Variants in EBF2 observed in about 807,000 individuals in gnomAD.
EBF2 encodes the protein transcription factor COE2.
EBF2 carries 21 observed loss-of-function variants against 72.8 expected under a neutral mutation model. That is an observed-to-expected ratio of 0.29 (90% confidence interval 0.20 to 0.42). The LOEUF (loss-of-function observed/expected upper bound fraction) is 0.42, where lower values mean the gene tolerates loss of function less well. Among genes scored for constraint, EBF2 ranks in the 10% least tolerant of loss-of-function variants. EBF2 has a pLI of 1.00. For missense variants in EBF2, 637 were observed against 731.2 expected (o/e 0.87, Z 1.49); for synonymous variants, 299 against 274.2 (o/e 1.09, Z -0.89).
At chr8:25,941,166 G>A (rs552183468) in intron 6 of EBF2, among the ~76,000 whole-genome samples, 1 of 151,766 alleles carries the variant, frequency 6.6e-6, no homozygotes, top group African/African-American at 2.4e-5. Context: ...CAGTCCCTGG[G>A]GCCTCCCCAC....
At chr8:25,889,729 A>C (rs1206513268) in intron 8 of EBF2, 23 bp downstream of exon 8, 5 of 1,571,898 alleles carry the variant, frequency 3.2e-6, no homozygotes, top group Non-Finnish European at 4.4e-6. Flanking sequence ...TGTGTCTGCT[A>C]TGCTGAGCGC....
intron 6 of EBF2, among the ~76,000 whole-genome samples, chr8:26,022,655 C>T (rs1360409912): frequency 6.6e-6 from 1 of 152,168 alleles, no homozygotes; most frequent in East Asian, 1.9e-4. Context: ...CTCTCAAAAG[C>T]TCTTGTTAAA....
chr8:25,963,550 C>T (rs1804070309), intron 6 of EBF2, among the ~76,000 whole-genome samples: 2 of 152,146 alleles, frequency 1.3e-5, no homozygotes, highest in Non-Finnish European at 2.9e-5. Flanking sequence ...GGAATGAAAA[C>T]ATTCAAAAAT....
chr8:25,957,404 G>T (rs992378691), intron 6 of EBF2, among the ~76,000 whole-genome samples: 1 of 152,190 alleles, frequency 6.6e-6, no homozygotes, highest in African/African-American at 2.4e-5. Context: ...AAAGTGACTT[G>T]GGCCAGCATC....
chr8:26,011,753 A>G (rs1358519620), intron 6 of EBF2, among the ~76,000 whole-genome samples: 2 of 152,122 alleles, frequency 1.3e-5, no homozygotes, highest in African/African-American at 4.8e-5. Context: ...CCTCCCTGCT[A>G]TGATTCTCCA....
chr8:25,863,354 C>T (rs1325776445), intron 10 of EBF2, among the ~76,000 whole-genome samples: 2 of 152,024 alleles, frequency 1.3e-5, no homozygotes, highest in Non-Finnish European at 2.9e-5. Flanking sequence ...CCCCACCCCA[C>T]GAATACTACA....
intron 5 of EBF2, among the ~76,000 whole-genome samples, chr8:26,034,447 G>T (rs575790065): frequency 2.6e-5 from 4 of 152,294 alleles, no homozygotes; most frequent in Non-Finnish European, 4.4e-5. Context: ...AGATAAAGAA[G>T]ATCCCCTGGG....
chr8:26,020,059 G>T (rs896888366), intron 6 of EBF2, among the ~76,000 whole-genome samples: 1 of 152,130 alleles, frequency 6.6e-6, no homozygotes, highest in African/African-American at 2.4e-5. Context: ...GATGGAGAAA[G>T]ATAAGAAAGA....
intron 10 of EBF2, among the ~76,000 whole-genome samples, chr8:25,865,984 C>T (rs972677327): frequency 4.0e-5 from 6 of 151,388 alleles, no homozygotes; most frequent in African/African-American, 1.2e-4. Flanking sequence ...AAGATCACGC[C>T]GCTGCACCCC....
chr8:25,926,411 T>C (rs575649217), intron 6 of EBF2, among the ~76,000 whole-genome samples: 14 of 152,288 alleles, frequency 9.2e-5, no homozygotes, highest in Non-Finnish European at 1.2e-4. Flanking sequence ...TAAGAAATAA[T>C]AAACTATTGC....
At chr8:25,858,280 A>C in intron 14 of EBF2, 39 bp downstream of exon 14, 1 of 1,611,688 alleles carries the variant, frequency 6.2e-7, no homozygotes, top group Non-Finnish European at 8.5e-7. Context: ...CCCAGAGACA[A>C]AAAAGCATGG....
At chr8:26,019,939 A>G (rs1805179692) in intron 6 of EBF2, among the ~76,000 whole-genome samples, 1 of 152,166 alleles carries the variant, frequency 6.6e-6, no homozygotes. Flanking sequence ...CCTTCTCTGC[A>G]GAGAAGGAAT....
Position 25,861,299 on chromosome 8 carries a change from A to C in EBF2, c.1164+10T>G, listed in dbSNP as rs1265217616. The C allele has an allele frequency of 2.5e-6, 4 of 1,614,216 alleles. No individual in the cohort carries two copies. The highest frequency in any genetic ancestry group is 1.7e-5 in the Admixed American group (1 of 60,022). On this transcript the variant is annotated intron_variant, in intron 12 of 15. Transcript: ENST00000520164. Reference sequence around the variant, plus strand: ...AAAACTCAATAAAGGATAGGATGTCAGTATCTCACCTGGTTATTGTGTGGT... The same window carrying C: ...AAAACTCAATAAAGGATAGGATGTCCGTATCTCACCTGGTTATTGTGTGGT...
rs370793947 is a variant in EBF2, at chr8:25,899,153, G to A, written c.634-9284C>T. 3.1e-4 allele frequency among the ~76,000 whole-genome samples: 47 copies of A among 152,024 alleles called. No individual in the cohort carries two copies. The East Asian group carries it at 8.5e-3, about 28-fold the overall frequency. On this transcript the variant is annotated intron_variant, in intron 7 of 15. Transcript: ENST00000520164. Reference sequence around the variant, plus strand: ...GTGGAGGCAGCAGAAGGTTCTAACAGCAGAGAAAAGCCTGAAGTCACTCCA... The same window carrying A: ...GTGGAGGCAGCAGAAGGTTCTAACAACAGAGAAAAGCCTGAAGTCACTCCA...
At position 26,040,100 on chromosome 8, in the gene EBF2, G is replaced by T. The variant is rs769594462; in HGVS notation, c.410C>A (p.Pro137His). Residue 137 changes from proline to histidine, a missense_variant and splice_region_variant, in exon 5 of 16, where the codon CCC becomes CAC. This residue lies in a region of EBF2 where 204 missense variants were observed against 301.2 expected (regional missense o/e 0.68). Transcript: ENST00000520164. ...CTTATTCTGTCCCTCGTAAGCGATGGGCTGTGAAGGAGGTAGTGGCAGGAA... is the reference window on the plus strand; with the variant it reads ...CTTATTCTGTCCCTCGTAAGCGATGTGCTGTGAAGGAGGTAGTGGCAGGAA... The part of the protein sequence containing the change: ...VRLIDSVTKQ[P>H]IAYEGQNKNP... The T allele has an allele frequency of 6.2e-7, 1 of 1,613,830 alleles. No homozygotes were observed. The highest frequency in any genetic ancestry group is 8.5e-7 in the Non-Finnish European group (1 of 1,179,814).
chr8:25,992,347 A>AAG (rs1296869664), intron 6 of EBF2, among the ~76,000 whole-genome samples: 1 of 151,164 alleles, frequency 6.6e-6, no homozygotes, highest in Non-Finnish European at 1.5e-5. Flanking sequence ...AAAAAAAAAA[A>AAG]AAAAAAAAAA....
chr8:25,891,380 GA>G (rs1455783298), intron 7 of EBF2, among the ~76,000 whole-genome samples: 1 of 149,710 alleles, frequency 6.7e-6, no homozygotes, highest in South Asian at 2.1e-4. Flanking sequence ...TTATTATTGA[GA>G]AAAAAAAAGA....
At chr8:25,863,913 C>T (rs181819444) in intron 10 of EBF2, among the ~76,000 whole-genome samples, 1 of 152,098 alleles carries the variant, frequency 6.6e-6, no homozygotes, top group Non-Finnish European at 1.5e-5. Context: ...ACTTTTCATC[C>T]ACTTAACAAT....
chr8:25,920,854 T>G (rs1563401037), intron 6 of EBF2, among the ~76,000 whole-genome samples: 1 of 151,978 alleles, frequency 6.6e-6, no homozygotes, highest in Non-Finnish European at 1.5e-5. Context: ...ATCTTTGCTC[T>G]CTCCCAAGTT....
Sources: gnomAD v4.1 joint callset for allele counts (sites outside exome capture counted in the v4.1 genomes callset) on GRCh38, gnomAD v4.1.1 for gene constraint, gnomAD v4.1.1 regional missense constraint, MANE v1.5 for transcripts, NCBI Gene and HGNC (gene_info 2026-07-23, HGNC 2026-07-21) for gene names.